USP24: variants seen among roughly 807,000 people sequenced by gnomAD.
The protein encoded by USP24 is ubiquitin carboxyl-terminal hydrolase 24.
In USP24, 97 loss-of-function variants were observed where a neutral mutation model predicts 361.6. That is an observed-to-expected ratio of 0.27 (90% CI 0.23 to 0.32). The LOEUF is 0.32. Ranked by LOEUF, USP24 falls within the 10% of genes least tolerant of loss-of-function variation. The pLI is 1.00. For missense variants in USP24, 2,353 were observed against 3,165.6 expected, an observed-to-expected ratio of 0.74 and a Z score of 6.16; for synonymous variants, 1,098 against 1,124.6, an observed-to-expected ratio of 0.98 and a Z score of 0.47.
intron 21 of USP24, 117 bp from the exon 22 acceptor site, chr1:55,143,236 A>C (rs1255403915): frequency 1.4e-6 from 1 of 723,586 alleles, no homozygotes; most frequent in Non-Finnish European, 2.1e-6. Context: ...AATATGAATT[A>C]AGGCTGCAAA....
intron 5 of USP24, among the ~76,000 whole-genome samples, chr1:55,169,239 G>A (rs1649207335): frequency 6.6e-6 from 1 of 152,140 alleles, no homozygotes; most frequent in East Asian, 1.9e-4. Flanking sequence ...TCCGTGAATT[G>A]TACTACTATA....
At chr1:55,164,656 A>C (rs949587219) in intron 7 of USP24, among the ~76,000 whole-genome samples, 4 of 152,058 alleles carry the variant, frequency 2.6e-5, no homozygotes, top group Non-Finnish European at 4.4e-5. Context: ...AATTGTTCTG[A>C]AAAATGGTCT....
chr1:55,123,531 A>G lies in USP24; in HGVS notation c.4192T>C (p.Ser1398Pro). 2 of 1,603,052 alleles carry G rather than the reference A, an allele frequency of 1.2e-6. No homozygotes were observed. Among genetic ancestry groups the G allele is most frequent in the Non-Finnish European group, 1.7e-6 (2 of 1,174,770 alleles). Reference sequence around the variant, plus strand: ...ATCAGCGAGTCTTTGGTGGATACAGACTGTTGTCGAACACAGATTCCCGCA... The same window carrying G: ...ATCAGCGAGTCTTTGGTGGATACAGGCTGTTGTCGAACACAGATTCCCGCA... ...LHAGICVRQQ[S>P]VSTKDSLIAG... Residue 1398 changes from serine to proline, a missense_variant, in exon 36 of 68, where the codon TCT becomes CCT. Transcript: ENST00000294383.
At chr1:55,157,430 T>C in intron 10 of USP24, 60 bp from the exon 11 acceptor site, 13 of 946,418 alleles carry the variant, frequency 1.4e-5, no homozygotes, top group Non-Finnish European at 2.0e-5. Flanking sequence ...TTTATATAGA[T>C]AGATAGATAA....
Position 55,137,848 on chromosome 1 carries a change from G to A in USP24, c.2985C>T (p.Cys995=). The change falls in exon 27 of 68, where the codon TGC becomes TGT. Residue 995 remains cysteine, a synonymous_variant. Coordinates refer to ENST00000294383, the MANE Select transcript of USP24 (RefSeq NM_015306.3). ...SVRWKIAKQL[C]SPVDNIQIFT... is the part of the protein sequence containing the mutation. Reference sequence around the variant, plus strand: ...ATATCTGTATATTATCCACAGGAGAGCACAACTGCTTGGCTATTTTCCACC... The same window carrying A: ...ATATCTGTATATTATCCACAGGAGAACACAACTGCTTGGCTATTTTCCACC... 3 of 1,597,636 alleles carry A rather than the reference G, an allele frequency of 1.9e-6. No homozygotes were observed. The South Asian group carries it at 3.4e-5, about 18-fold the overall frequency.
At chr1:55,161,003 G>A (rs17111688) in intron 8 of USP24, among the ~76,000 whole-genome samples, 8,278 of 152,136 alleles carry the variant, frequency 0.054, 276 homozygotes, top group African/African-American at 0.095. Flanking sequence ...GGAGAAATAT[G>A]TAAACAGCCA....
intron 40 of USP24, 137 bp downstream of exon 40, chr1:55,107,102 G>T: frequency 1.0e-6 from 1 of 974,130 alleles, no homozygotes. Context: ...CTAAAATAAC[G>T]GACAATTTCC....
Position 55,166,567 on chromosome 1 carries a change from C to A in USP24, c.861+1G>T. 1 of 1,589,396 alleles carries A rather than the reference C, an allele frequency of 6.3e-7. No homozygotes were observed. The highest frequency in any genetic ancestry group is 1.2e-5 in the South Asian group (1 of 86,322). On this transcript the variant is annotated splice_donor_variant, in intron 6 of 67. Coordinates refer to ENST00000294383, the MANE Select transcript of USP24 (RefSeq NM_015306.3). LOFTEE classifies it high-confidence loss of function. ...TGACAATATTAACAAAAGTCATATA[C>A]CTTATTTACCAAATCCACAACCCAT...
intron 41 of USP24, among the ~76,000 whole-genome samples, chr1:55,105,939 T>C (rs1302944622): frequency 6.6e-6 from 1 of 152,162 alleles, no homozygotes; most frequent in East Asian, 1.9e-4. Context: ...AGGATAATAA[T>C]GGTACCAGCA....
intron 38 of USP24, among the ~76,000 whole-genome samples, chr1:55,119,860 T>C (rs1386010121): frequency 1.3e-5 from 2 of 152,204 alleles, no homozygotes; most frequent in Non-Finnish European, 2.9e-5. Flanking sequence ...ATTTAATGAC[T>C]TCTTCATGGG....
rs759883016 is a variant in USP24 at position 55,125,491 on chromosome 1, A to G, written c.3789T>C (p.Asp1263=). ...GGCGGGAAGAAAGTGCTTCTATACC[A>G]TCTTTGGTGAGGTCTTCATCTAATA... The part of the protein sequence containing the change: ...PTLLDEDLTK[D]GIEALSSRPF... The change falls in exon 34 of 68, where the codon GAT becomes GAC. Residue 1263 remains aspartate, a synonymous_variant. Transcript: ENST00000294383. The G allele has an allele frequency of 6.2e-7, 1 of 1,613,988 alleles. No individual in the cohort carries two copies.
intron 1 of USP24, among the ~76,000 whole-genome samples, chr1:55,195,734 T>A (rs1243262493): frequency 6.6e-6 from 1 of 152,156 alleles, no homozygotes; most frequent in Admixed American, 6.5e-5. Flanking sequence ...ATATGAGGTA[T>A]CTGAAGTATT....
At chr1:55,158,763 A>G (rs974937030) in intron 10 of USP24, 115 bp downstream of exon 10, 2 of 922,058 alleles carry the variant, frequency 2.2e-6, no homozygotes, top group Admixed American at 4.2e-5. Context: ...TCTCTTTTTT[A>G]TATGATTACA....
intron 20 of USP24, 132 bp from the exon 21 acceptor site, chr1:55,144,335 C>A: frequency 2.0e-6 from 1 of 492,432 alleles, no homozygotes; most frequent in Non-Finnish European, 3.5e-6. Flanking sequence ...GGTACCAAAG[C>A]AGAAGCAACA....
At chr1:55,147,548 C>A in intron 18 of USP24, 101 bp downstream of exon 18, 2 of 1,289,640 alleles carry the variant, frequency 1.6e-6, no homozygotes, top group South Asian at 4.1e-5. Flanking sequence ...CTCATACAAC[C>A]TCTTTATAGT....
chr1:55,078,772 G>T (rs1404936876), intron 60 of USP24, 121 bp from the exon 61 acceptor site: 1 of 693,286 alleles, frequency 1.4e-6, no homozygotes, highest in African/African-American at 1.8e-5. Context: ...CCTGAAAACA[G>T]GGTTTCTTAA....
At chr1:55,072,507 G>T in intron 65 of USP24, 104 bp from the exon 66 acceptor site, 1 of 958,022 alleles carries the variant, frequency 1.0e-6, no homozygotes, top group Non-Finnish European at 1.6e-6. Flanking sequence ...CCCAAGTAGG[G>T]TACAAGTCTA....
At chr1:55,168,223 C>T (rs995014256) in intron 5 of USP24, among the ~76,000 whole-genome samples, 3 of 151,998 alleles carry the variant, frequency 2.0e-5, no homozygotes, top group African/African-American at 7.2e-5. Context: ...ACATTTCTTT[C>T]CAATCTGGAA....
In USP24 at chr1:55,096,565, G is replaced by C. The variant is rs766190119; in HGVS notation, c.5994C>G (p.Asp1998Glu). The change falls in exon 50 of 68, where the codon GAC (aspartate) becomes GAG (glutamate). Residue 1998 changes from aspartate to glutamate, a missense_variant. Transcript: ENST00000294383. ...CATACTCCAGGGTCTCGTCATTTAG[G>C]TCAAATTCTTCTATAACTGTGTCAT... ...KFNDTVIEEF[D>E]LNDETLEYEC... 1 of 1,612,930 alleles carries C rather than the reference G, an allele frequency of 6.2e-7. No individual in the cohort carries two copies. Among genetic ancestry groups the C allele is most frequent in the Non-Finnish European group, 8.5e-7 (1 of 1,179,520 alleles).
Sources: allele counts gnomAD v4.1 joint callset (sites outside exome capture counted in the v4.1 genomes callset), GRCh38; gene constraint gnomAD v4.1.1; transcripts MANE v1.5; gene names NCBI Gene and HGNC (gene_info 2026-07-23, HGNC 2026-07-21).